NCAM2: variants seen among roughly 807,000 people sequenced by gnomAD.
The protein encoded by NCAM2 is N-CAM-2.
In NCAM2, 30 loss-of-function variants were observed where a neutral mutation model predicts 98.1. The ratio of observed to expected loss-of-function variants is 0.31; its 90% CI spans 0.23 to 0.41. The LOEUF is 0.41. NCAM2 is among the 10% of genes least tolerant of loss of function. The pLI is 1.00. For synonymous variants in NCAM2, 368 were observed against 342.4 expected (o/e 1.07, Z -0.83); for missense variants, 867 against 1,005.8 (o/e 0.86, Z 1.87).
At chr21:21,352,153 G>T (rs1315797348) in intron 8 of NCAM2, among the ~76,000 whole-genome samples, 1 of 151,558 alleles carries the variant, frequency 6.6e-6, no homozygotes, top group Non-Finnish European at 1.5e-5. Context: ...TCAAGCTTCA[G>T]CCCCCCAGTC....
rs551779056 is a variant in NCAM2 at position 21,218,372 on chromosome 21, C to T, written c.56-62206C>T. Among the ~76,000 whole-genome samples, 13 of 152,122 alleles carry T rather than the reference C, an allele frequency of 8.5e-5. No individual in the cohort carries two copies. In the East Asian group the frequency reaches 1.7e-3, roughly 20 times the overall value. On this transcript the variant is annotated intron_variant, in intron 1 of 17. Transcript: ENST00000400546. ...CAGAAAGCTCTGTTGGTGTTCAATACGGAGGGCCACAAACTAGATAGTGAA... is the reference window on the plus strand; with the variant it reads ...CAGAAAGCTCTGTTGGTGTTCAATATGGAGGGCCACAAACTAGATAGTGAA...
chr21:21,240,612 C>A (rs2071029477), intron 1 of NCAM2, among the ~76,000 whole-genome samples: 1 of 152,118 alleles, frequency 6.6e-6, no homozygotes, highest in Non-Finnish European at 1.5e-5. Context: ...CTTTGAATGA[C>A]AAATTATTCT....
chr21:21,431,320 A>T (rs78814103), intron 11 of NCAM2, among the ~76,000 whole-genome samples: 43,354 of 146,966 alleles, frequency 0.29, 6,536 homozygotes, highest in East Asian at 0.49. Context: ...CCTCACTGGG[A>T]TTTTTTTTTT....
chr21:21,184,320 A>AAAAAG (rs769943742), intron 1 of NCAM2, among the ~76,000 whole-genome samples: 1 of 152,064 alleles, frequency 6.6e-6, no homozygotes, highest in Non-Finnish European at 1.5e-5. Flanking sequence ...AAATAAAAAA[A>AAAAAG]AAAAGAAAAG....
chr21:21,230,989 C>T (rs544630725), intron 1 of NCAM2, among the ~76,000 whole-genome samples: 26 of 150,970 alleles, frequency 1.7e-4, no homozygotes, highest in African/African-American at 5.1e-4. Flanking sequence ...AACGTATTTC[C>T]GAGGACATTA....
intron 1 of NCAM2, among the ~76,000 whole-genome samples, chr21:21,055,583 A>G (rs770507407): frequency 9.2e-5 from 14 of 152,002 alleles, no homozygotes; most frequent in Admixed American, 2.6e-4. Flanking sequence ...ATTATAATGA[A>G]CTCTAAGGAG....
At chr21:21,377,854 C>G (rs2076067913) in intron 9 of NCAM2, among the ~76,000 whole-genome samples, 2 of 151,884 alleles carry the variant, frequency 1.3e-5, no homozygotes, top group Non-Finnish European at 2.9e-5. Flanking sequence ...GCACCCACCC[C>G]AGCCTCTGCT....
At chr21:21,045,361 G>T (rs1251958653) in intron 1 of NCAM2, among the ~76,000 whole-genome samples, 1 of 152,026 alleles carries the variant, frequency 6.6e-6, no homozygotes, top group African/African-American at 2.4e-5. Flanking sequence ...TAGAAACTAG[G>T]CTGGGGTTAT....
intron 1 of NCAM2, among the ~76,000 whole-genome samples, chr21:21,080,477 G>T (rs940719402): frequency 6.6e-6 from 1 of 151,674 alleles, no homozygotes; most frequent in Non-Finnish European, 1.5e-5. Context: ...TTATTCAGGT[G>T]TGGTGACACA....
chr21:21,318,088 T>C (rs1239591165), intron 5 of NCAM2, among the ~76,000 whole-genome samples: 2 of 152,150 alleles, frequency 1.3e-5, no homozygotes, highest in Non-Finnish European at 2.9e-5. Context: ...CACAGATACA[T>C]GGTTGGAAAA....
chr21:21,342,103 C>A (rs2075059214), intron 8 of NCAM2, among the ~76,000 whole-genome samples: 1 of 152,092 alleles, frequency 6.6e-6, no homozygotes, highest in Non-Finnish European at 1.5e-5. Context: ...GACCTTCCTC[C>A]CCATGGAATA....
intron 1 of NCAM2, among the ~76,000 whole-genome samples, chr21:21,242,402 A>G (rs1214766203): frequency 1.3e-5 from 2 of 152,204 alleles, no homozygotes; most frequent in East Asian, 1.9e-4. Flanking sequence ...CTTATTTATC[A>G]TAGTCATTCT....
intron 1 of NCAM2, among the ~76,000 whole-genome samples, chr21:21,266,890 G>T (rs769346132): frequency 1.5e-4 from 23 of 152,066 alleles, no homozygotes; most frequent in Non-Finnish European, 2.9e-4. Context: ...TAATAATTAT[G>T]CCCAAAATGA....
intron 1 of NCAM2, among the ~76,000 whole-genome samples, chr21:21,279,211 TC>T (rs1302936099): frequency 1.3e-5 from 2 of 152,352 alleles, no homozygotes; most frequent in African/African-American, 4.8e-5. Flanking sequence ...TGGCAAAACT[TC>T]TGGTTTATCT....
intron 1 of NCAM2, among the ~76,000 whole-genome samples, chr21:21,073,204 A>G (rs2065609044): frequency 2.0e-5 from 3 of 152,116 alleles, no homozygotes; most frequent in Non-Finnish European, 4.4e-5. Flanking sequence ...ATCACATTTT[A>G]TTTGTCCATT....
chr21:21,390,647 T>C (rs939255783), intron 9 of NCAM2, among the ~76,000 whole-genome samples: 10 of 152,188 alleles, frequency 6.6e-5, no homozygotes, highest in Non-Finnish European at 1.3e-4. Flanking sequence ...TAGAATGGAT[T>C]ACATTAAAGA....
chr21:21,539,582 G>T lies in NCAM2; in HGVS notation c.*1625G>T, dbSNP rs1990147839. On this transcript the variant is annotated 3_prime_UTR_variant, in exon 18 of 18. Transcript: ENST00000400546. ...AACTCAGCCAAGGAGAGAAAACTAA[G>T]TACTTTTATATAATTCATCACTTTT... The T allele has an allele frequency of 6.6e-6, 1 of 152,168 alleles. No homozygotes were observed. 9.4% of individuals were successfully genotyped at this position (152,168 alleles called of 1,614,324 possible). A position where few individuals can be genotyped will look rare whatever the true frequency, so the allele number is the denominator to read the frequency against.
At chr21:21,532,647 T>C (rs1217104152) in intron 16 of NCAM2, among the ~76,000 whole-genome samples, 3 of 152,158 alleles carry the variant, frequency 2.0e-5, no homozygotes, top group Non-Finnish European at 4.4e-5. Context: ...TATAAGAAAA[T>C]GTTTGAATCA....
At chr21:21,427,220 G>GA (rs138485186) in intron 11 of NCAM2, among the ~76,000 whole-genome samples, 12,364 of 149,818 alleles carry the variant, frequency 0.083, 599 homozygotes, top group East Asian at 0.15. Context: ...GAGTGGGATT[G>GA]AAAACAAAAA....
Sources: gnomAD v4.1 joint callset for allele counts (sites outside exome capture counted in the v4.1 genomes callset) on GRCh38, gnomAD v4.1.1 for gene constraint, MANE v1.5 for transcripts, NCBI Gene and HGNC (gene_info 2026-07-23, HGNC 2026-07-21) for gene names.